The following HIVEP3 variants were observed in gnomAD, a reference collection of about 807,000 sequenced individuals.
HIVEP3 encodes the protein HIVEP zinc finger 3.
A neutral mutation model predicts 152.8 loss-of-function variants in HIVEP3; 49 were observed. The observed-to-expected ratio is 0.32, with a 90% CI of 0.26 to 0.41. The LOEUF is 0.41. HIVEP3 is among the 10% of genes least tolerant of loss of function. The pLI is 1.00. For missense variants in HIVEP3, 2,790 were observed against 3,103.3 expected (o/e 0.90, Z 2.40); for synonymous variants, 1,269 against 1,289.0 (o/e 0.98, Z 0.33).
chr1:41,527,562 CTCTT>C (rs1396033472), intron 5 of HIVEP3, among the ~76,000 whole-genome samples: 6 of 139,440 alleles, frequency 4.3e-5, no homozygotes, highest in South Asian at 2.5e-4. Context: ...CACCCTCACA[CTCTT>C]TCACACTCCA....
At chr1:41,640,930 G>A (rs1645362703) in intron 2 of HIVEP3, among the ~76,000 whole-genome samples, 2 of 152,294 alleles carry the variant, frequency 1.3e-5, no homozygotes, top group South Asian at 4.2e-4. Flanking sequence ...GACACTGTGT[G>A]GCCTTCTTCG....
At chr1:41,538,929 G>A (rs917136194) in intron 5 of HIVEP3, among the ~76,000 whole-genome samples, 2 of 152,192 alleles carry the variant, frequency 1.3e-5, no homozygotes, top group African/African-American at 4.8e-5. Flanking sequence ...CCGGATTCAT[G>A]GGGCATGGGG....
chr1:41,656,324 G>C (rs1448816041), intron 2 of HIVEP3, among the ~76,000 whole-genome samples: 3 of 152,216 alleles, frequency 2.0e-5, no homozygotes, highest in Non-Finnish European at 1.5e-5. Flanking sequence ...GGATCCCTCA[G>C]GCCAGCCTGC....
intron 1 of HIVEP3, among the ~76,000 whole-genome samples, chr1:41,826,095 C>T (rs1040778767): frequency 6.6e-6 from 1 of 152,178 alleles, no homozygotes; most frequent in Non-Finnish European, 1.5e-5. Context: ...TACTCCCTTG[C>T]TCTGACATAG....
intron 1 of HIVEP3, among the ~76,000 whole-genome samples, chr1:41,902,191 A>C (rs1270081661): frequency 6.6e-6 from 1 of 152,192 alleles, no homozygotes; most frequent in Non-Finnish European, 1.5e-5. Flanking sequence ...AATGCTTAAA[A>C]GGGAATTTGA....
intron 1 of HIVEP3, among the ~76,000 whole-genome samples, chr1:42,020,531 T>G (rs992175607): frequency 1.3e-5 from 2 of 152,190 alleles, no homozygotes; most frequent in Admixed American, 6.6e-5. Context: ...AGCATACATC[T>G]TCTCCTAAAA....
intron 1 of HIVEP3, among the ~76,000 whole-genome samples, chr1:41,702,913 C>A (rs779153085): frequency 6.6e-6 from 1 of 152,206 alleles, no homozygotes; most frequent in African/African-American, 2.4e-5. Flanking sequence ...AGCCAGGCTG[C>A]AGGACTGCTA....
At chr1:41,793,828 C>A (rs1383574787) in intron 1 of HIVEP3, among the ~76,000 whole-genome samples, 5 of 152,052 alleles carry the variant, frequency 3.3e-5, no homozygotes, top group African/African-American at 1.2e-4. Context: ...TAGAAATGCA[C>A]AAAGAAGAAA....
At chr1:41,835,089 G>A (rs1643082950) in intron 1 of HIVEP3, among the ~76,000 whole-genome samples, 1 of 152,216 alleles carries the variant, frequency 6.6e-6, no homozygotes, top group Admixed American at 6.5e-5. Flanking sequence ...CTGGGGACCA[G>A]AAGGACTAAT....
At chr1:41,654,642 T>C (rs1570236005) in intron 2 of HIVEP3, among the ~76,000 whole-genome samples, 1 of 152,352 alleles carries the variant, frequency 6.6e-6, no homozygotes, top group East Asian at 1.9e-4. Flanking sequence ...TTTCACCAGT[T>C]TTTCCACTAA....
intron 5 of HIVEP3, among the ~76,000 whole-genome samples, chr1:41,552,389 C>T (rs530076701): frequency 7.3e-6 from 1 of 137,492 alleles, no homozygotes; most frequent in Admixed American, 7.7e-5. Flanking sequence ...CACAACAGTC[C>T]CCAGAGTGTG....
At chr1:41,516,007 G>T (rs1481975172) in intron 7 of HIVEP3, among the ~76,000 whole-genome samples, 2 of 152,208 alleles carry the variant, frequency 1.3e-5, no homozygotes, top group Admixed American at 6.5e-5. Context: ...AGCAGGGAGG[G>T]CTCCTAAAGA....
intron 1 of HIVEP3, among the ~76,000 whole-genome samples, chr1:41,807,024 GC>G (rs60358665): frequency 0.46 from 70,517 of 151,840 alleles, 16,487 homozygotes; most frequent in Middle Eastern, 0.49. Flanking sequence ...CTTCCTCCCC[GC>G]CCAGCCCACC....
chr1:41,563,105 G>A (rs974230217), intron 5 of HIVEP3, among the ~76,000 whole-genome samples: 2 of 152,060 alleles, frequency 1.3e-5, no homozygotes, highest in African/African-American at 2.4e-5. Context: ...CCAGCACTTC[G>A]GGAGGCTGAA....
At position 41,525,785 on chromosome 1, in the gene HIVEP3, C is replaced by T. The variant is rs540264714; in HGVS notation, c.5208-875G>A. 4.6e-5 allele frequency among the ~76,000 whole-genome samples: 7 copies of T among 152,294 alleles called. No individual in the cohort carries two copies. In the South Asian group the frequency reaches 1.4e-3, roughly 32 times the overall value. ...GAGTCCCACATGCGCAACAGGATCA[C>T]GATGAAGCTGTCTTGTTGGTCTAAT... On this transcript the variant is annotated intron_variant, in intron 5 of 8. Transcript: ENST00000372583.
At chr1:41,611,876 C>G (rs1644903159) in intron 3 of HIVEP3, among the ~76,000 whole-genome samples, 1 of 152,214 alleles carries the variant, frequency 6.6e-6, no homozygotes, top group Non-Finnish European at 1.5e-5. Context: ...CCTGGGAACT[C>G]CGGTTGCCTG....
chr1:41,844,494 G>A (rs661225), intron 1 of HIVEP3, among the ~76,000 whole-genome samples: 94,661 of 152,056 alleles, frequency 0.62, 30,903 homozygotes, highest in African/African-American at 0.81. Flanking sequence ...ATCCGATGCC[G>A]CTTCTTACCT....
chr1:41,797,946 C>CTCTA (rs1230000430), intron 1 of HIVEP3, among the ~76,000 whole-genome samples: 1 of 152,098 alleles, frequency 6.6e-6, no homozygotes, highest in African/African-American at 2.4e-5. Flanking sequence ...CACCATGGTA[C>CTCTA]TCTAGCCTGG....
chr1:41,581,212 T>C lies in HIVEP3; in HGVS notation c.3586A>G (p.Thr1196Ala). ...FQAPPLPLQP[T>A]VLHPGQLHLP... ...TGGAGTTGGCCTGGGTGCAGAACAG[T>C]AGGCTGGAGAGGAAGCGGTGGGGCT... Residue 1196 changes from threonine (T) to alanine (A), a missense_variant, in exon 4 of 9, where the codon ACT (threonine) becomes GCT (alanine). By Grantham distance (58) the Thr-to-Ala change is moderately conservative. Transcript: ENST00000372583. The surrounding 1 kb of genome is among the most constrained non-coding windows in gnomAD (Gnocchi z 4.5). 1 of 1,567,356 alleles carries C rather than the reference T, an allele frequency of 6.4e-7. No individual in the cohort carries two copies. The highest frequency in any genetic ancestry group is 8.6e-7 in the Non-Finnish European group (1 of 1,156,808).
Sources: allele counts gnomAD v4.1 joint callset (sites outside exome capture counted in the v4.1 genomes callset), GRCh38; gene constraint gnomAD v4.1.1; non-coding constraint Gnocchi (gnomAD v3.1); transcripts MANE v1.5; gene names NCBI Gene and HGNC (gene_info 2026-07-23, HGNC 2026-07-21).